Variants in DGKB observed in about 807,000 individuals in gnomAD.
DGKB encodes diacylglycerol kinase beta.
In DGKB, 67 loss-of-function variants were observed where a neutral mutation model predicts 114.3. The observed-to-expected ratio is 0.59, with a 90% CI of 0.48 to 0.72. DGKB has a LOEUF of 0.72. Ranked by LOEUF, DGKB falls within the 30% of genes least tolerant of loss-of-function variation. The pLI is 0.00. For synonymous variants in DGKB, 398 were observed against 323.1 expected (o/e 1.23, Z -2.49); for missense variants, 907 against 975.2 (o/e 0.93, Z 0.93).
At chr7:14,961,544 G>C (rs1222793877) in intron 1 of DGKB, among the ~76,000 whole-genome samples, 5 of 152,064 alleles carry the variant, frequency 3.3e-5, no homozygotes, top group Non-Finnish European at 7.4e-5. Flanking sequence ...TGAAAAGTGT[G>C]GTTGGGAGCA....
intron 2 of DGKB, among the ~76,000 whole-genome samples, chr7:14,823,629 C>A (rs1344527779): frequency 2.0e-5 from 3 of 151,900 alleles, no homozygotes; most frequent in African/African-American, 7.3e-5. Flanking sequence ...AAGAAAAAAA[C>A]AATGTTTAGA....
chr7:14,239,566 A>G (rs1403969294), intron 23 of DGKB, among the ~76,000 whole-genome samples: 2 of 152,032 alleles, frequency 1.3e-5, no homozygotes, highest in African/African-American at 2.4e-5. Context: ...TATGTCCTCT[A>G]ATCTTTCTAG....
intron 23 of DGKB, among the ~76,000 whole-genome samples, chr7:14,238,872 C>T (rs1793224972): frequency 8.6e-6 from 1 of 115,682 alleles, no homozygotes; most frequent in African/African-American, 3.9e-5. Context: ...TATATGGGGT[C>T]TTACATTTTT....
intron 1 of DGKB, among the ~76,000 whole-genome samples, chr7:14,936,273 G>A (rs1357006486): frequency 2.6e-5 from 4 of 152,128 alleles, no homozygotes; most frequent in Non-Finnish European, 4.4e-5. Context: ...ACACATAGAA[G>A]TATTGCATTT....
At chr7:14,323,973 T>C (rs1006717440) in intron 23 of DGKB, among the ~76,000 whole-genome samples, 1 of 152,156 alleles carries the variant, frequency 6.6e-6, no homozygotes, top group African/African-American at 2.4e-5. Context: ...TTCACTAAAT[T>C]TTCAAAGTCT....
intron 5 of DGKB, among the ~76,000 whole-genome samples, chr7:14,729,791 T>C (rs1405450375): frequency 1.3e-5 from 2 of 152,188 alleles, no homozygotes; most frequent in Admixed American, 1.3e-4. Context: ...ACTGAACACA[T>C]AATTGTTCAT....
Position 14,672,899 on chromosome 7 carries a change from G to A in DGKB, c.1134+30C>T, listed in dbSNP as rs370957827. On this transcript the variant is annotated intron_variant, in intron 13 of 25. Coordinates refer to ENST00000402815, the MANE Select transcript of DGKB (RefSeq NM_001350709.2). The stretch of plus-strand genomic sequence containing the variant: ...TACTGATAAGTCACAGCAATCCTAA[G>A]TTATAGTAGAATGATAAGGAAAAAC... 3 of 1,323,868 alleles carry A rather than the reference G, an allele frequency of 2.3e-6. No individual in the cohort carries two copies. In the African/African-American group the frequency reaches 4.4e-5, roughly 19 times the overall value. 82.0% of individuals were successfully genotyped at this position (1,323,868 alleles called of 1,614,324 possible). A position where few individuals can be genotyped will look rare whatever the true frequency, so the allele number is the denominator to read the frequency against.
At chr7:14,298,316 C>T (rs1802928996) in intron 23 of DGKB, among the ~76,000 whole-genome samples, 1 of 152,088 alleles carries the variant, frequency 6.6e-6, no homozygotes, top group South Asian at 2.1e-4. Context: ...TACTACAAGG[C>T]TACATTAACC....
chr7:14,285,172 A>G (rs974078384), intron 23 of DGKB, among the ~76,000 whole-genome samples: 36 of 152,170 alleles, frequency 2.4e-4, no homozygotes, highest in African/African-American at 7.7e-4. Context: ...TTCCTAATAT[A>G]TGCATCTCAT....
intron 21 of DGKB, among the ~76,000 whole-genome samples, chr7:14,394,398 T>A (rs759546507): frequency 6.6e-6 from 1 of 152,200 alleles, no homozygotes; most frequent in Non-Finnish European, 1.5e-5. Context: ...CATATATTAT[T>A]GACAAAGAAT....
chr7:14,614,310 A>G (rs572146182), intron 15 of DGKB, among the ~76,000 whole-genome samples: 20 of 152,270 alleles, frequency 1.3e-4, no homozygotes, highest in African/African-American at 4.8e-4. Flanking sequence ...CCTGATTCCA[A>G]TGTTAAATAA....
At chr7:14,483,988 G>T (rs369382369) in intron 20 of DGKB, among the ~76,000 whole-genome samples, 1 of 149,812 alleles carries the variant, frequency 6.7e-6, no homozygotes, top group African/African-American at 2.4e-5. Flanking sequence ...GTGGTAATTT[G>T]TTACAGCAGG....
chr7:14,313,751 C>T (rs1211533750), intron 23 of DGKB, among the ~76,000 whole-genome samples: 5 of 152,146 alleles, frequency 3.3e-5, no homozygotes, highest in Admixed American at 1.3e-4. Context: ...ACAAAGCAGC[C>T]TGGAAGCTCC....
intron 10 of DGKB, 147 bp from the exon 11 acceptor site, chr7:14,682,988 G>C: frequency 4.7e-6 from 3 of 635,732 alleles, no homozygotes; most frequent in South Asian, 1.9e-5. Flanking sequence ...AGTCCAAGTC[G>C]ACTGTTTTTA....
Position 14,433,175 on chromosome 7 carries a change from A to G in DGKB, c.1835+44986T>C, listed in dbSNP as rs993584603. ...TATTGACTGGCTAGCAGGAAGATAA[A>G]AGACTTGGTTCCTTTGCTTCAGGGA... On this transcript the variant is annotated intron_variant, in intron 21 of 25. Transcript: ENST00000402815. Among the ~76,000 whole-genome samples the G allele has an allele frequency of 3.9e-5, 6 of 152,146 alleles. No homozygotes were observed. In the South Asian group the frequency reaches 1.2e-3, roughly 32 times the overall value.
intron 23 of DGKB, among the ~76,000 whole-genome samples, chr7:14,263,329 T>C (rs146460662): frequency 6.6e-5 from 10 of 152,344 alleles, no homozygotes; most frequent in African/African-American, 2.4e-4. Flanking sequence ...TATAGCTCTC[T>C]TTAAAATATT....
intron 1 of DGKB, among the ~76,000 whole-genome samples, chr7:14,845,346 A>G (rs1186196174): frequency 6.6e-6 from 1 of 152,124 alleles, no homozygotes; most frequent in Non-Finnish European, 1.5e-5. Flanking sequence ...ATAACATTTT[A>G]ACATCAAATA....
chr7:14,744,042 C>CTT (rs148718765), intron 4 of DGKB, among the ~76,000 whole-genome samples: 5 of 152,096 alleles, frequency 3.3e-5, no homozygotes, highest in African/African-American at 7.2e-5. Flanking sequence ...CTGAAGTAAT[C>CTT]TTTTTTTAAA....
intron 20 of DGKB, among the ~76,000 whole-genome samples, chr7:14,520,210 ATT>A (rs386409562): frequency 3.9e-4 from 47 of 119,096 alleles, no homozygotes; most frequent in Admixed American, 4.4e-4. Flanking sequence ...CTTTTTTCCT[ATT>A]TTTTTTTTTT....
Sources: allele counts gnomAD v4.1 joint callset (sites outside exome capture counted in the v4.1 genomes callset), GRCh38; gene constraint gnomAD v4.1.1; transcripts MANE v1.5; gene names NCBI Gene and HGNC (gene_info 2026-07-23, HGNC 2026-07-21).